Variants in ZMYM5 observed in about 807,000 individuals in gnomAD.
ZMYM5 encodes zinc finger MYM-type protein 5.
A neutral mutation model predicts 61.8 loss-of-function variants in ZMYM5; 41 were observed. The observed-to-expected ratio is 0.66, with a 90% CI of 0.52 to 0.86. The LOEUF is 0.86. ZMYM5 is among the 40% of genes least tolerant of loss of function. The pLI, the probability that ZMYM5 is intolerant of heterozygous loss-of-function variation, is 0.00. For synonymous variants in ZMYM5, 257 were observed against 276.4 expected, an observed-to-expected ratio of 0.93 and a Z score of 0.70; for missense variants, 706 against 786.7, an observed-to-expected ratio of 0.90 and a Z score of 1.23.
chr13:19,844,082 G>A (rs1952991345), intron 4 of ZMYM5, among the ~76,000 whole-genome samples: 1 of 150,304 alleles, frequency 6.7e-6, no homozygotes, highest in African/African-American at 2.5e-5. Flanking sequence ...AGCTTTCAGT[G>A]AGCCGAGATC....
rs573943099 is a variant in ZMYM5 at position 19,824,907 on chromosome 13, C to T, written c.1580G>A (p.Arg527Gln). ...GTCCCGTTGTTTAATATTCAAAATT[C>T]GGGGCCACGTACCTGGATCTGCGGA... is the stretch of plus-strand genomic sequence containing the variant. ...VLSADPGTWP[R>Q]ILNIKQRDTL... Residue 527 changes from arginine (R) to glutamine (Q), a missense_variant, in exon 8 of 8, where the codon CGA becomes CAA. By Grantham distance (43) the Arg-to-Gln change is conservative. Around this residue, in one of 2 missense-constraint regions of ZMYM5, gnomAD observed 226 missense variants for 325.0 expected, o/e 0.70. Coordinates refer to ENST00000337963, the MANE Select transcript of ZMYM5 (RefSeq NM_001142684.2). 8.1e-6 allele frequency: 11 copies of T among 1,359,002 alleles called. No homozygotes were observed. Among genetic ancestry groups the T allele is most frequent in the African/African-American group, 4.4e-5 (3 of 67,666 alleles). The allele number at this position is 1,359,002 out of a possible 1,614,324, so 84.2% of individuals were successfully genotyped here.
Position 19,824,403 on chromosome 13 carries a change from T to A in ZMYM5, c.*74A>T, listed in dbSNP as rs999006137. 1.5e-5 allele frequency: 18 copies of A among 1,203,178 alleles called. No homozygotes were observed. The South Asian group carries it at 3.0e-4, about 20-fold the overall frequency. 74.5% of individuals were successfully genotyped at this position (1,203,178 alleles called of 1,614,324 possible). ...GAGGAGACTTACAACACAATAGTACTGACTATTGCAGGACAGATGTTTTCT... is the reference window on the plus strand; with the variant it reads ...GAGGAGACTTACAACACAATAGTACAGACTATTGCAGGACAGATGTTTTCT... On this transcript the variant is annotated 3_prime_UTR_variant, in exon 8 of 8. Transcript: ENST00000337963.
At chr13:19,848,628 G>A (rs1041533434) in intron 4 of ZMYM5, among the ~76,000 whole-genome samples, 1 of 151,888 alleles carries the variant, frequency 6.6e-6, no homozygotes, top group African/African-American at 2.4e-5. Flanking sequence ...CTGCCTCCCA[G>A]GTTCAAGTGA....
chr13:19,844,424 G>C (rs1366969564), intron 4 of ZMYM5, among the ~76,000 whole-genome samples: 1 of 152,186 alleles, frequency 6.6e-6, no homozygotes, highest in Non-Finnish European at 1.5e-5. Flanking sequence ...AGAGTTCTAT[G>C]TTGTCTCAGG....
intron 2 of ZMYM5, among the ~76,000 whole-genome samples, chr13:19,858,825 A>T (rs954798504): frequency 1.3e-5 from 2 of 152,162 alleles, no homozygotes; most frequent in African/African-American, 4.8e-5. Flanking sequence ...GTAGGCTCAG[A>T]AATCTGTAGC....
intron 2 of ZMYM5, among the ~76,000 whole-genome samples, chr13:19,858,585 CAA>C (rs34468029): frequency 1.3e-4 from 11 of 85,336 alleles, no homozygotes; most frequent in African/African-American, 3.5e-4. Flanking sequence ...GACGCTGTTT[CAA>C]AAAAAAAAAA....
In ZMYM5 at chr13:19,854,843, T is replaced by C. The variant is rs556784276; in HGVS notation, c.-10-2653A>G. On this transcript the variant is annotated intron_variant, in intron 2 of 7. Coordinates refer to ENST00000337963, the MANE Select transcript of ZMYM5 (RefSeq NM_001142684.2). ...CCTAACTCACCATTGCTGAAAAAGG[T>C]AGTCAGGATTCAAATCCAAGAAATC... Among the ~76,000 whole-genome samples the C allele has an allele frequency of 2.0e-5, 3 of 152,248 alleles. No homozygotes were observed. In the South Asian group the frequency reaches 6.2e-4, roughly 32 times the overall value.
intron 7 of ZMYM5, among the ~76,000 whole-genome samples, chr13:19,833,965 C>T (rs1233802981): frequency 1.3e-5 from 2 of 152,138 alleles, no homozygotes; most frequent in Non-Finnish European, 2.9e-5. Flanking sequence ...CATATTGAGA[C>T]CCACCTGTAT....
intron 2 of ZMYM5, among the ~76,000 whole-genome samples, chr13:19,852,468 T>C (rs897587670): frequency 1.3e-5 from 2 of 152,140 alleles, no homozygotes; most frequent in Non-Finnish European, 2.9e-5. Flanking sequence ...AATTAGAAAA[T>C]AGTAACAAAA....
At chr13:19,845,694 C>CG (rs1374343901) in intron 4 of ZMYM5, among the ~76,000 whole-genome samples, 5 of 152,166 alleles carry the variant, frequency 3.3e-5, no homozygotes, top group Non-Finnish European at 7.4e-5. Context: ...TTTTTTTAAA[C>CG]AAAGGATACA....
intron 2 of ZMYM5, among the ~76,000 whole-genome samples, 197 bp downstream of exon 2, chr13:19,862,202 G>A (rs1164573740): frequency 2.6e-5 from 4 of 152,064 alleles, no homozygotes; most frequent in Non-Finnish European, 4.4e-5. Context: ...GAGTTCCAGT[G>A]GTATAAATGT....
In ZMYM5 at chr13:19,838,946, T is replaced by C; in HGVS notation, c.626A>G (p.Gln209Arg). 2 of 1,614,048 alleles carry C rather than the reference T, an allele frequency of 1.2e-6. No individual in the cohort carries two copies. Among genetic ancestry groups the C allele is most frequent in the Non-Finnish European group, 1.7e-6 (2 of 1,179,962 alleles). ...TAAAGAATCCACCCCTGGCTGTTTCTGATTACTGGGAAATGAAGCTGACTG... is the reference window on the plus strand; with the variant it reads ...TAAAGAATCCACCCCTGGCTGTTTCCGATTACTGGGAAATGAAGCTGACTG... ...ISQSASFPSN[Q>R]KQPGVDSLSP... Residue 209 changes from glutamine (Q) to arginine (R), a missense_variant, in exon 5 of 8, where the codon CAG becomes CGG. By Grantham distance (43) the Gln-to-Arg change is conservative. This residue lies in a region of ZMYM5 where 480 missense variants were observed against 461.7 expected (regional missense o/e 1.04). Coordinates refer to ENST00000337963, the MANE Select transcript of ZMYM5 (RefSeq NM_001142684.2).
chr13:19,853,964 T>C (rs1322368540), intron 2 of ZMYM5, among the ~76,000 whole-genome samples: 1 of 152,138 alleles, frequency 6.6e-6, no homozygotes, highest in African/African-American at 2.4e-5. Flanking sequence ...GAAAACACAC[T>C]TCATAAGGCA....
At chr13:19,848,339 G>A (rs562407326) in intron 4 of ZMYM5, among the ~76,000 whole-genome samples, 2 of 152,112 alleles carry the variant, frequency 1.3e-5, no homozygotes, top group South Asian at 4.2e-4. Flanking sequence ...GGAGTGTAGT[G>A]TTGTGATCAT....
Position 19,852,329 on chromosome 13 carries a change from A to T in ZMYM5, c.-10-139T>A, listed in dbSNP as rs570018900. On this transcript the variant is annotated intron_variant, in intron 2 of 7. Coordinates refer to ENST00000337963, the MANE Select transcript of ZMYM5 (RefSeq NM_001142684.2). ...CCATTTTGTTTTTCCTCTACTGTTA[A>T]CTAATGTTTACTTCAGAGCTTGATG... is the stretch of plus-strand genomic sequence containing the variant. 12 of 824,294 alleles carry T rather than the reference A, an allele frequency of 1.5e-5. No individual in the cohort carries two copies. The South Asian group carries it at 2.4e-4, about 17-fold the overall frequency. The allele number at this position is 824,294 out of a possible 1,614,324, so 51.1% of individuals were successfully genotyped here. A position where few individuals can be genotyped will look rare whatever the true frequency, so the allele number is the denominator to read the frequency against.
Position 19,852,189 on chromosome 13 carries a change from A to C in ZMYM5, c.-9T>G. ...ACTGAACATTTTTCCATGCCAATGAACCTGTAGAGACAGAAAAGAAAAAAA... is the reference window on the plus strand; with the variant it reads ...ACTGAACATTTTTCCATGCCAATGACCCTGTAGAGACAGAAAAGAAAAAAA... On this transcript the variant is annotated splice_region_variant and 5_prime_UTR_variant, in exon 3 of 8. Transcript: ENST00000337963. The C allele has an allele frequency of 6.5e-7, 1 of 1,543,852 alleles. No homozygotes were observed. Among genetic ancestry groups the C allele is most frequent in the Non-Finnish European group, 8.7e-7 (1 of 1,153,082 alleles).
chr13:19,839,767 C>G (rs1027840144), intron 4 of ZMYM5, among the ~76,000 whole-genome samples: 2 of 152,164 alleles, frequency 1.3e-5, no homozygotes, highest in Non-Finnish European at 2.9e-5. Context: ...AGTACACTTA[C>G]TTTCAAAATA....
Position 19,851,920 on chromosome 13 carries a change from T to C in ZMYM5, c.261A>G (p.Ser87=), listed in dbSNP as rs1304101423. Reference sequence around the variant, plus strand: ...AATTTCCTTGAGGCTTTTCATTTTTTGATGATGCAAATATGAAGTTTCTTT... The same window carrying C: ...AATTTCCTTGAGGCTTTTCATTTTTCGATGATGCAAATATGAAGTTTCTTT... ...ADQRNFIFAS[S]KNEKPQGNYS... is the part of the protein sequence containing the mutation. The change falls in exon 3 of 8, where the codon TCA becomes TCG. Residue 87 remains serine (S), a synonymous_variant. Transcript: ENST00000337963. The C allele has an allele frequency of 1.2e-6, 2 of 1,613,058 alleles. No individual in the cohort carries two copies. The highest frequency in any genetic ancestry group is 2.7e-5 in the African/African-American group (2 of 74,818).
chr13:19,857,876 G>A (rs1401094792), intron 2 of ZMYM5, among the ~76,000 whole-genome samples: 1 of 151,802 alleles, frequency 6.6e-6, no homozygotes, highest in East Asian at 1.9e-4. Flanking sequence ...AGTCCAACAT[G>A]GTGGCATACG....
Sources: gnomAD v4.1 joint callset for allele counts (sites outside exome capture counted in the v4.1 genomes callset) on GRCh38, gnomAD v4.1.1 for gene constraint, gnomAD v4.1.1 regional missense constraint, MANE v1.5 for transcripts, NCBI Gene and HGNC (gene_info 2026-07-23, HGNC 2026-07-21) for gene names.